SAMD5: variants seen among roughly 807,000 people sequenced by gnomAD.
SAMD5 encodes the protein sterile alpha motif domain-containing protein 5.
A neutral mutation model predicts 11.3 loss-of-function variants in SAMD5; 13 were observed. That is an observed-to-expected ratio of 1.15 (90% CI 0.75 to 1.83). The LOEUF is 1.83. Ranked by LOEUF, SAMD5 falls within the 40% of genes most tolerant of loss-of-function variation. The pLI, the probability that SAMD5 is intolerant of heterozygous loss-of-function variation, is 0.00. For missense variants in SAMD5, 255 were observed against 239.1 expected, an observed-to-expected ratio of 1.07 and a Z score of -0.44; for synonymous variants, 129 against 111.3, an observed-to-expected ratio of 1.16 and a Z score of -1.00.
intron 1 of SAMD5, among the ~76,000 whole-genome samples, chr6:147,563,356 A>C (rs1413223): frequency 0.019 from 2,888 of 152,252 alleles, 46 homozygotes; most frequent in South Asian, 0.058. Flanking sequence ...ATTTTTTGGG[A>C]GCTTACAAGG....
At chr6:147,561,256 C>T (rs11963382) in intron 1 of SAMD5, among the ~76,000 whole-genome samples, 1,752 of 152,236 alleles carry the variant, frequency 0.012, 20 homozygotes, top group South Asian at 0.049. Flanking sequence ...TGCCTGATCT[C>T]GGCTCACTGC....
the SAMD5 span, among the ~76,000 whole-genome samples, chr6:147,897,279 G>A: frequency 7.9e-4 from 121 of 152,216 alleles, no homozygotes; most frequent in Non-Finnish European, 1.2e-3. Flanking sequence ...AAGATAACCC[G>A]CTAGATTGTA....
intron 1 of SAMD5, among the ~76,000 whole-genome samples, chr6:147,536,185 A>G (rs989674843): frequency 2.0e-5 from 3 of 151,978 alleles, no homozygotes; most frequent in African/African-American, 7.3e-5. Context: ...GGATTTCACC[A>G]TATTAGCTAG....
intron 1 of SAMD5, among the ~76,000 whole-genome samples, chr6:147,629,430 A>T (rs148703074): frequency 5.1e-4 from 78 of 152,350 alleles, no homozygotes; most frequent in African/African-American, 1.8e-3. Flanking sequence ...ATCCAATAGG[A>T]TGAAATTCAG....
At chr6:147,523,565 T>A (rs1389774152) in intron 1 of SAMD5, among the ~76,000 whole-genome samples, 3 of 152,206 alleles carry the variant, frequency 2.0e-5, no homozygotes, top group Non-Finnish European at 4.4e-5. Context: ...TATATTAAGA[T>A]GCACTCCTCT....
chr6:147,806,331 C>T, the SAMD5 span, among the ~76,000 whole-genome samples: 1 of 152,198 alleles, frequency 6.6e-6, no homozygotes, highest in African/African-American at 2.4e-5. Flanking sequence ...CACACACACA[C>T]ACTCATTGTG....
chr6:147,739,268 T>C (rs371869588), downstream of SAMD5, among the ~76,000 whole-genome samples: 5 of 152,174 alleles, frequency 3.3e-5, no homozygotes, highest in African/African-American at 9.7e-5. Context: ...CCAAAGAATA[T>C]TTGAATAGCA....
intron 1 of SAMD5, among the ~76,000 whole-genome samples, chr6:147,546,512 A>G (rs1323822584): frequency 3.3e-5 from 4 of 121,742 alleles, no homozygotes; most frequent in Non-Finnish European, 6.7e-5. Context: ...CCTGGGCAAC[A>G]AGAGCGAAAC....
chr6:147,923,339 T>C, the SAMD5 span, among the ~76,000 whole-genome samples: 1 of 152,220 alleles, frequency 6.6e-6, no homozygotes, highest in African/African-American at 2.4e-5. Flanking sequence ...TAGTTATTTC[T>C]ATGTATATAT....
chr6:147,694,743 A>G (rs1188266843), intron 1 of SAMD5, among the ~76,000 whole-genome samples: 1 of 152,074 alleles, frequency 6.6e-6, no homozygotes, highest in African/African-American at 2.4e-5. Context: ...CTTGAACCCC[A>G]CAGGTCAAGG....
At chr6:147,609,896 C>A (rs1461675988) in intron 1 of SAMD5, among the ~76,000 whole-genome samples, 1 of 152,130 alleles carries the variant, frequency 6.6e-6, no homozygotes, top group Non-Finnish European at 1.5e-5. Context: ...AATACTTGTC[C>A]TATGTAAGCA....
intron 1 of SAMD5, among the ~76,000 whole-genome samples, chr6:147,655,065 T>C (rs1457794897): frequency 6.6e-6 from 1 of 152,230 alleles, no homozygotes; most frequent in Non-Finnish European, 1.5e-5. Flanking sequence ...TCATTTTTGC[T>C]CTTTCCCTCT....
At chr6:147,864,211 C>T in the SAMD5 span, among the ~76,000 whole-genome samples, 5 of 152,052 alleles carry the variant, frequency 3.3e-5, no homozygotes, top group East Asian at 1.9e-4. Context: ...TGAATTTTCC[C>T]GCCCTAGAAA....
At chr6:147,806,036 A>T in the SAMD5 span, among the ~76,000 whole-genome samples, 1 of 152,104 alleles carries the variant, frequency 6.6e-6, no homozygotes, top group Non-Finnish European at 1.5e-5. Context: ...GCAGGAAACC[A>T]TTTGTGTGCT....
intron 1 of SAMD5, among the ~76,000 whole-genome samples, chr6:147,595,842 A>C (rs1055588875): frequency 1.3e-5 from 2 of 151,928 alleles, no homozygotes. Context: ...CTACTTTTTT[A>C]ATTAGTAGGC....
the SAMD5 span, among the ~76,000 whole-genome samples, chr6:147,769,112 G>C: frequency 6.6e-6 from 1 of 152,208 alleles, no homozygotes; most frequent in Non-Finnish European, 1.5e-5. Context: ...ATTGTAAGGT[G>C]AGTGTCATAA....
chr6:147,739,632 T>A (rs1791850639), downstream of SAMD5, among the ~76,000 whole-genome samples: 1 of 152,004 alleles, frequency 6.6e-6, no homozygotes, highest in African/African-American at 2.4e-5. Context: ...ATTTTTTAGA[T>A]CAATGGAAAG....
At chr6:147,594,746 C>A (rs111424684) in intron 1 of SAMD5, among the ~76,000 whole-genome samples, 3 of 152,284 alleles carry the variant, frequency 2.0e-5, no homozygotes, top group East Asian at 1.9e-4. Context: ...GCTCACCAAC[C>A]AGGCATCTCT....
intron 1 of SAMD5, among the ~76,000 whole-genome samples, chr6:147,731,700 C>CCCTCCTTTCCTTCCTT (rs1791717519): frequency 6.7e-6 from 1 of 148,318 alleles, no homozygotes; most frequent in East Asian, 2.0e-4. Flanking sequence ...CTCCCTCCCT[C>CCCTCCTTTCCTTCCTT]CCTCCTTTCC....
Sources: allele counts gnomAD v4.1 joint callset (sites outside exome capture counted in the v4.1 genomes callset), GRCh38; gene constraint gnomAD v4.1.1; transcripts MANE v1.5; gene names NCBI Gene and HGNC (gene_info 2026-07-23, HGNC 2026-07-21).